The following FBXO42 variants were observed in gnomAD, a reference collection of about 807,000 sequenced individuals.
The protein encoded by FBXO42 is F-box protein 42, also known as F-box only protein 42.
In FBXO42, 12 loss-of-function variants were observed where a neutral mutation model predicts 71.7. The ratio of observed to expected loss-of-function variants is 0.17; its 90% CI spans 0.11 to 0.27. The LOEUF (loss-of-function observed/expected upper bound fraction) is 0.27. Ranked by LOEUF, FBXO42 falls within the 10% of genes least tolerant of loss-of-function variation. FBXO42 has a pLI of 1.00. For missense variants in FBXO42, 707 were observed against 911.9 expected (o/e 0.78, Z 2.89); for synonymous variants, 325 against 327.5 (o/e 0.99, Z 0.08).
chr1:16,347,722 G>C (rs889793628), intron 1 of FBXO42, among the ~76,000 whole-genome samples: 1 of 152,134 alleles, frequency 6.6e-6, no homozygotes, highest in African/African-American at 2.4e-5. Context: ...AGGCACAGTG[G>C]CTCACGCCTG....
At chr1:16,318,859 A>G (rs1470585495) in intron 1 of FBXO42, among the ~76,000 whole-genome samples, 3 of 152,180 alleles carry the variant, frequency 2.0e-5, no homozygotes, top group Non-Finnish European at 4.4e-5. Context: ...TACTGGGCAG[A>G]AAGGGCAAGG....
At chr1:16,290,703 A>G (rs2082068434) in intron 4 of FBXO42, among the ~76,000 whole-genome samples, 1 of 151,712 alleles carries the variant, frequency 6.6e-6, no homozygotes, top group African/African-American at 2.4e-5. Context: ...AAGAAGCACA[A>G]GAGATGCCAG....
At chr1:16,272,031 C>T (rs1360804964) in intron 4 of FBXO42, among the ~76,000 whole-genome samples, 3 of 148,674 alleles carry the variant, frequency 2.0e-5, no homozygotes, top group South Asian at 2.2e-4. Flanking sequence ...GGTGCATGCC[C>T]ATAGTCCCAG....
At chr1:16,296,668 AC>A (rs369102310) in intron 3 of FBXO42, among the ~76,000 whole-genome samples, 65 of 137,938 alleles carry the variant, frequency 4.7e-4, no homozygotes, top group South Asian at 3.3e-3. Flanking sequence ...AAAAAAAAAA[AC>A]AAAAACAAAA....
chr1:16,313,364 GAA>G (rs756037639), intron 2 of FBXO42, among the ~76,000 whole-genome samples: 8 of 132,536 alleles, frequency 6.0e-5, no homozygotes, highest in African/African-American at 7.9e-5. Context: ...AAGAAAGAAA[GAA>G]AGAAAGAGAA....
chr1:16,280,740 C>G (rs570242735), intron 4 of FBXO42, among the ~76,000 whole-genome samples: 1 of 151,948 alleles, frequency 6.6e-6, no homozygotes, highest in Non-Finnish European at 1.5e-5. Context: ...CGCCACTGCA[C>G]TCCAGCTTGG....
intron 3 of FBXO42, among the ~76,000 whole-genome samples, chr1:16,302,663 C>A (rs2082207080): frequency 6.6e-6 from 1 of 152,310 alleles, no homozygotes. Context: ...GCACCCGCCA[C>A]CAGGCCCGGC....
intron 6 of FBXO42, among the ~76,000 whole-genome samples, chr1:16,255,391 A>G (rs997635629): frequency 2.6e-5 from 4 of 150,996 alleles, no homozygotes; most frequent in African/African-American, 9.8e-5. Flanking sequence ...CTGGAATGCA[A>G]TGGGGTGATC....
At chr1:16,315,059 A>AT (rs2082350688) in intron 2 of FBXO42, 110 bp downstream of exon 2, 12 of 1,254,196 alleles carry the variant, frequency 9.6e-6, no homozygotes, top group Non-Finnish European at 1.3e-5. Flanking sequence ...CTAATGCTAG[A>AT]TTTTATAACC....
At chr1:16,312,871 T>C (rs2082326570) in intron 2 of FBXO42, among the ~76,000 whole-genome samples, 1 of 151,610 alleles carries the variant, frequency 6.6e-6, no homozygotes, top group South Asian at 2.1e-4. Context: ...CTTGGCACAC[T>C]GCAACCTCTG....
intron 1 of FBXO42, among the ~76,000 whole-genome samples, chr1:16,333,240 G>A (rs1557605414): frequency 6.6e-6 from 1 of 152,112 alleles, no homozygotes; most frequent in South Asian, 2.1e-4. Context: ...GCCAACATTA[G>A]ATAAATACTA....
chr1:16,314,969 T>C (rs2082349801), intron 2 of FBXO42, among the ~76,000 whole-genome samples, 200 bp downstream of exon 2: 1 of 151,814 alleles, frequency 6.6e-6, no homozygotes, highest in African/African-American at 2.4e-5. Context: ...CATTTTAAAA[T>C]GCAAATGGGA....
intron 1 of FBXO42, among the ~76,000 whole-genome samples, chr1:16,330,588 C>G (rs2082490580): frequency 6.6e-6 from 1 of 152,082 alleles, no homozygotes; most frequent in Non-Finnish European, 1.5e-5. Flanking sequence ...GCAGGCAGAT[C>G]ACAAGGTCAA....
intron 1 of FBXO42, among the ~76,000 whole-genome samples, chr1:16,318,452 AT>A (rs2082388794): frequency 6.6e-6 from 1 of 152,160 alleles, no homozygotes; most frequent in African/African-American, 2.4e-5. Context: ...ATAAGCCATT[AT>A]CAGCAGTTAC....
At chr1:16,280,480 C>T (rs958790662) in intron 4 of FBXO42, among the ~76,000 whole-genome samples, 1 of 152,076 alleles carries the variant, frequency 6.6e-6, no homozygotes, top group East Asian at 1.9e-4. Context: ...AATAACGTAC[C>T]AATATTGGTT....
At chr1:16,344,636 A>G (rs1426566214) in intron 1 of FBXO42, among the ~76,000 whole-genome samples, 1 of 151,836 alleles carries the variant, frequency 6.6e-6, no homozygotes, top group Non-Finnish European at 1.5e-5. Flanking sequence ...GCACCCATCC[A>G]GTTGTTACAT....
At position 16,327,185 on chromosome 1, in the gene FBXO42, G is replaced by A. The variant is rs918020573; in HGVS notation, c.-17-11750C>T. Among the ~76,000 whole-genome samples, 4 of 152,160 alleles carry A rather than the reference G, an allele frequency of 2.6e-5. No homozygotes were observed. In the East Asian group the frequency reaches 7.7e-4, roughly 29 times the overall value. Reference sequence around the variant, plus strand: ...ATAAAGTACCTTACTGACGAGGGATGTTAATGACTCACTTACGGTTGCAAA... The same window carrying A: ...ATAAAGTACCTTACTGACGAGGGATATTAATGACTCACTTACGGTTGCAAA... On this transcript the variant is annotated intron_variant, in intron 1 of 9. Transcript: ENST00000375592.
intron 2 of FBXO42, 101 bp downstream of exon 2, chr1:16,315,068 C>A (rs2082350730): frequency 8.4e-6 from 11 of 1,308,102 alleles, no homozygotes; most frequent in Non-Finnish European, 9.4e-6. Flanking sequence ...GATTTTATAA[C>A]CATAATACAT....
intron 4 of FBXO42, among the ~76,000 whole-genome samples, chr1:16,280,950 T>C (rs2081957295): frequency 6.6e-6 from 1 of 152,082 alleles, no homozygotes; most frequent in Non-Finnish European, 1.5e-5. Context: ...TCACTTGTTG[T>C]GTGTGTGTTT....
Sources: gnomAD v4.1 joint callset for allele counts (sites outside exome capture counted in the v4.1 genomes callset) on GRCh38, gnomAD v4.1.1 for gene constraint, MANE v1.5 for transcripts, NCBI Gene and HGNC (gene_info 2026-07-23, HGNC 2026-07-21) for gene names.